Variants in SYTL3 observed in about 807,000 individuals in gnomAD.
SYTL3 encodes synaptotagmin-like protein 3.
SYTL3 carries 88 observed loss-of-function variants against 82.1 expected under a neutral mutation model. That is an observed-to-expected ratio of 1.07 (90% CI 0.90 to 1.28). The LOEUF is 1.28. SYTL3 is among the 50% of genes most tolerant of loss of function. SYTL3 has a pLI of 0.00. For missense variants in SYTL3, 831 were observed against 757.6 expected (o/e 1.10, Z -1.14); for synonymous variants, 311 against 289.4 (o/e 1.07, Z -0.76).
In SYTL3 at chr6:158,721,847, A is replaced by G. The variant is rs188701322; in HGVS notation, c.720+3636A>G. 3.0e-4 allele frequency among the ~76,000 whole-genome samples: 46 copies of G among 151,656 alleles called. 2 individuals carry two copies. The highest frequency in any genetic ancestry group is 9.2e-4 in the African/African-American group (38 of 41,322). On this transcript the variant is annotated intron_variant, in intron 10 of 17. Coordinates refer to ENST00000611299, the MANE Select transcript of SYTL3 (RefSeq NM_001242394.2). Reference sequence around the variant, plus strand: ...GGGGTTTTGCTGTGTTGCCTAGGGTAGTCTCAAACTCCTGAGCTCAATCGG... The same window carrying G: ...GGGGTTTTGCTGTGTTGCCTAGGGTGGTCTCAAACTCCTGAGCTCAATCGG...
intron 14 of SYTL3, among the ~76,000 whole-genome samples, chr6:158,759,635 T>C (rs1407838747): frequency 6.6e-6 from 1 of 152,154 alleles, no homozygotes; most frequent in African/African-American, 2.4e-5. Flanking sequence ...TGGGTTCAAG[T>C]GATTCTCTGC....
chr6:158,716,307 A>G (rs1222446692), intron 9 of SYTL3, among the ~76,000 whole-genome samples: 1 of 152,204 alleles, frequency 6.6e-6, no homozygotes, highest in African/African-American at 2.4e-5. Flanking sequence ...TTTCTCAAGA[A>G]GGCTTGTCCT....
At chr6:158,675,486 G>T (rs956699117) in intron 5 of SYTL3, among the ~76,000 whole-genome samples, 1 of 152,142 alleles carries the variant, frequency 6.6e-6, no homozygotes, top group African/African-American at 2.4e-5. Context: ...CGAGTATTTT[G>T]CTTTGTAACT....
chr6:158,701,554 G>A (rs1344684855), intron 6 of SYTL3, among the ~76,000 whole-genome samples: 1 of 134,458 alleles, frequency 7.4e-6, no homozygotes, highest in Non-Finnish European at 1.6e-5. Flanking sequence ...TTCTGGGGGG[G>A]AGGAGGCGTG....
intron 5 of SYTL3, among the ~76,000 whole-genome samples, 156 bp from the exon 6 acceptor site, chr6:158,682,769 G>A (rs998608730): frequency 7.4e-4 from 113 of 152,244 alleles, no homozygotes; most frequent in African/African-American, 2.6e-3. Flanking sequence ...GCCTCTATGG[G>A]GAATCTGTAA....
At chr6:158,706,872 G>T (rs1440760848) in intron 6 of SYTL3, among the ~76,000 whole-genome samples, 1 of 152,232 alleles carries the variant, frequency 6.6e-6, no homozygotes, top group South Asian at 2.1e-4. Flanking sequence ...TCCAAAGGAC[G>T]AATGGAAGAT....
intron 10 of SYTL3, among the ~76,000 whole-genome samples, chr6:158,722,090 G>C (rs1784175789): frequency 6.6e-6 from 1 of 152,152 alleles, no homozygotes; most frequent in Non-Finnish European, 1.5e-5. Context: ...AGAGGATGCT[G>C]GTGCCCACCT....
chr6:158,683,052 T>C, intron 6 of SYTL3, 63 bp downstream of exon 6: 1 of 1,263,786 alleles, frequency 7.9e-7, no homozygotes, highest in East Asian at 2.4e-5. Flanking sequence ...AAATATTTGA[T>C]GTTAAGACTT....
chr6:158,735,907 A>T (rs1183335919), intron 11 of SYTL3, among the ~76,000 whole-genome samples: 2 of 152,204 alleles, frequency 1.3e-5, no homozygotes, highest in Non-Finnish European at 2.9e-5. Flanking sequence ...AGATGTCAGA[A>T]GCTTTTACTT....
chr6:158,683,690 T>A (rs1778985483), intron 6 of SYTL3, among the ~76,000 whole-genome samples: 1 of 152,268 alleles, frequency 6.6e-6, no homozygotes, highest in Admixed American at 6.5e-5. Flanking sequence ...TCTGTTTCTC[T>A]CTACAAGCAG....
intron 5 of SYTL3, among the ~76,000 whole-genome samples, chr6:158,682,393 T>C (rs61294181): frequency 0.076 from 10,207 of 133,706 alleles, 1,387 homozygotes; most frequent in African/African-American, 0.29. Flanking sequence ...GGAGTCTGGC[T>C]CTGCCGCCCA....
At chr6:158,687,005 G>A (rs760287719) in intron 6 of SYTL3, among the ~76,000 whole-genome samples, 10 of 152,274 alleles carry the variant, frequency 6.6e-5, no homozygotes, top group African/African-American at 1.4e-4. Context: ...TCATGGTACC[G>A]GCAATACTCT....
At chr6:158,724,244 A>T (rs1164541851) in intron 10 of SYTL3, among the ~76,000 whole-genome samples, 1 of 152,198 alleles carries the variant, frequency 6.6e-6, no homozygotes. Context: ...AGAATTTAGC[A>T]TAGTGCTGTG....
At chr6:158,701,373 G>C (rs1402074920) in intron 6 of SYTL3, among the ~76,000 whole-genome samples, 1 of 148,140 alleles carries the variant, frequency 6.8e-6, no homozygotes, top group African/African-American at 2.5e-5. Context: ...CTGGGGTGTA[G>C]ATGAAGGAGT....
intron 13 of SYTL3, among the ~76,000 whole-genome samples, chr6:158,753,580 A>G (rs1788674196): frequency 6.6e-6 from 1 of 151,554 alleles, no homozygotes. Context: ...AATACAAAAA[A>G]TTAGCCGGGC....
chr6:158,684,053 G>A (rs531551639), intron 6 of SYTL3, among the ~76,000 whole-genome samples: 86 of 152,274 alleles, frequency 5.6e-4, no homozygotes, highest in African/African-American at 2.0e-3. Flanking sequence ...GGAGAGGGGC[G>A]ATTACAAAAG....
intron 8 of SYTL3, among the ~76,000 whole-genome samples, chr6:158,708,679 T>G (rs1416923274): frequency 6.6e-6 from 1 of 152,118 alleles, no homozygotes; most frequent in Non-Finnish European, 1.5e-5. Context: ...CCAACTCTGC[T>G]CTGTGCTGGG....
rs1460220708 is a variant in SYTL3, at chr6:158,713,978, A to AG, written c.595+102dup. The stretch of plus-strand genomic sequence containing the variant: ...GTGACCTCGGTTGACACTGTCCCTC[A>AG]GGCCACTCACTTTGTCTCTGGACCC... On this transcript the variant is annotated intron_variant, in intron 9 of 17. Transcript: ENST00000611299. 11 of 824,056 alleles carry AG rather than the reference A, an allele frequency of 1.3e-5. No individual in the cohort carries two copies. The African/African-American group carries it at 1.9e-4, about 14-fold the overall frequency. 51.0% of individuals were successfully genotyped at this position (824,056 alleles called of 1,614,324 possible).
intron 12 of SYTL3, 125 bp from the exon 13 acceptor site, chr6:158,751,803 C>G (rs1480948121): frequency 2.9e-6 from 2 of 686,934 alleles, no homozygotes; most frequent in African/African-American, 3.8e-5. Context: ...TTCTATCAAC[C>G]CAAAAATTCC....
Sources: allele counts gnomAD v4.1 joint callset (sites outside exome capture counted in the v4.1 genomes callset), GRCh38; gene constraint gnomAD v4.1.1; transcripts MANE v1.5; gene names NCBI Gene and HGNC (gene_info 2026-07-23, HGNC 2026-07-21).